Variants in MSRB3 observed in about 807,000 individuals in gnomAD.
MSRB3 encodes methionine sulfoxide reductase B3.
In MSRB3, 13 loss-of-function variants were observed where a neutral mutation model predicts 21.0. The observed-to-expected ratio is 0.62, with a 90% CI of 0.40 to 0.98. MSRB3 has a LOEUF of 0.98. Among genes scored for constraint, MSRB3 ranks in the 50% least tolerant of loss-of-function variants. The probability of loss-of-function intolerance (pLI) is 0.00; values close to 1 mark genes in which losing one functional copy is unlikely to be tolerated. For synonymous variants in MSRB3, 87 were observed against 88.6 expected (o/e 0.98, Z 0.10); for missense variants, 199 against 230.3 (o/e 0.86, Z 0.88).
In MSRB3 at chr12:65,278,841, G is replaced by T. The variant is rs571492323; in HGVS notation, c.-76G>T. 11 of 1,564,396 alleles carry T rather than the reference G, an allele frequency of 7.0e-6. No homozygotes were observed. In the South Asian group the frequency reaches 7.1e-5, roughly 10 times the overall value. On this transcript the variant is annotated 5_prime_UTR_variant, in exon 1 of 7. Transcript: ENST00000308259. ...CCTCTGCCTCTGCCTCTGCCTGGCC[G>T]CGGCTCTGGGAAGTGCGCAGTCCGG...
chr12:65,440,845 C>T (rs1882344419), intron 5 of MSRB3, among the ~76,000 whole-genome samples: 4 of 151,836 alleles, frequency 2.6e-5, no homozygotes, highest in Admixed American at 2.6e-4. Context: ...TTTTCTTCAG[C>T]CCCAGGTTGG....
In MSRB3 at chr12:65,460,475, C is replaced by T. The variant is rs1053265822; in HGVS notation, c.391-2680C>T. ...GCTTCCCTCAGACAAATGGCTTTGC[C>T]GGCAGTGGGGCGGGGATGTATGTGG... On this transcript the variant is annotated intron_variant, in intron 6 of 6. Coordinates refer to ENST00000308259, the MANE Select transcript of MSRB3 (RefSeq NM_001031679.3). 1.2e-4 allele frequency among the ~76,000 whole-genome samples: 18 copies of T among 152,274 alleles called. No homozygotes were observed. In the South Asian group the frequency reaches 2.5e-3, roughly 21 times the overall value.
chr12:65,425,630 A>G (rs1170630651), intron 5 of MSRB3, among the ~76,000 whole-genome samples: 2 of 152,102 alleles, frequency 1.3e-5, no homozygotes, highest in African/African-American at 4.8e-5. Flanking sequence ...ACAAAATCCT[A>G]CACTTTTGCC....
rs114548027 is a variant in MSRB3 at position 65,357,069 on chromosome 12, C to A, written c.264-11929C>A. On this transcript the variant is annotated intron_variant, in intron 4 of 6. Coordinates refer to ENST00000308259, the MANE Select transcript of MSRB3 (RefSeq NM_001031679.3). ...AGGAATAAGGAACAAATTGAAGTGG[C>A]AAATGACTCCAAAGGAACAAAACTT... 8.1e-3 allele frequency among the ~76,000 whole-genome samples: 1,234 copies of A among 151,928 alleles called. 18 individuals are homozygous for A. Among genetic ancestry groups the A allele is most frequent in the African/African-American group, 0.029 (1,193 of 41,486 alleles).
intron 5 of MSRB3, among the ~76,000 whole-genome samples, chr12:65,440,027 C>G (rs1304206130): frequency 4.6e-5 from 7 of 151,790 alleles, no homozygotes; most frequent in African/African-American, 7.2e-5. Context: ...GTAGAGCAGA[C>G]TCGTAGACAA....
At chr12:65,334,132 G>A (rs1875609533) in intron 4 of MSRB3, among the ~76,000 whole-genome samples, 1 of 152,184 alleles carries the variant, frequency 6.6e-6, no homozygotes, top group African/African-American at 2.4e-5. Flanking sequence ...AACCACATAG[G>A]ACATTTTAAT....
At chr12:65,348,738 C>T (rs1876710829) in intron 4 of MSRB3, among the ~76,000 whole-genome samples, 1 of 152,052 alleles carries the variant, frequency 6.6e-6, no homozygotes, top group East Asian at 1.9e-4. Flanking sequence ...CTATAAATTT[C>T]CCCCTACACA....
At chr12:65,324,882 A>G (rs1208868474) in intron 2 of MSRB3, among the ~76,000 whole-genome samples, 2 of 152,188 alleles carry the variant, frequency 1.3e-5, no homozygotes, top group Non-Finnish European at 2.9e-5. Context: ...TGGGAACACA[A>G]TTGGTCTTTT....
Position 65,309,509 on chromosome 12 carries a change from C to G in MSRB3, c.76+854C>G, listed in dbSNP as rs573041232. 4.6e-5 allele frequency among the ~76,000 whole-genome samples: 7 copies of G among 152,042 alleles called. No homozygotes were observed. The East Asian group carries it at 1.4e-3, about 29-fold the overall frequency. ...ATAAGGTAAAGCTGATTTTTTTCAA[C>G]AAGTACAAGGTGGAAATGGAACTGT... On this transcript the variant is annotated intron_variant, in intron 2 of 6. Transcript: ENST00000308259.
chr12:65,279,442 C>T (rs1348226420), intron 1 of MSRB3: 2 of 151,984 alleles, frequency 1.3e-5, no homozygotes, highest in South Asian at 4.2e-4. Context: ...GCTGCTGCCC[C>T]GCTGCTGGGC....
At chr12:65,350,523 G>A (rs1876892272) in intron 4 of MSRB3, among the ~76,000 whole-genome samples, 1 of 151,220 alleles carries the variant, frequency 6.6e-6, no homozygotes, top group African/African-American at 2.5e-5. Flanking sequence ...TGGCAAATTG[G>A]ATAAAGAGTC....
At chr12:65,371,243 A>T (rs1314342834) in intron 5 of MSRB3, among the ~76,000 whole-genome samples, 1 of 145,488 alleles carries the variant, frequency 6.9e-6, no homozygotes, top group African/African-American at 2.5e-5. Context: ...CAGGAGAATC[A>T]CTTGAATCCA....
At chr12:65,329,225 A>G (rs1199875488) in intron 4 of MSRB3, among the ~76,000 whole-genome samples, 8 of 152,196 alleles carry the variant, frequency 5.3e-5, no homozygotes, top group Admixed American at 5.2e-4. Flanking sequence ...TCTGGAGATT[A>G]TGGATGTTAT....
chr12:65,344,371 G>A (rs1401807785), intron 4 of MSRB3: 1 of 151,908 alleles, frequency 6.6e-6, no homozygotes, highest in African/African-American at 2.4e-5. Flanking sequence ...CTGCAGGGGT[G>A]GGTGGGGAAA....
At chr12:65,407,368 A>T (rs1880471903) in intron 5 of MSRB3, among the ~76,000 whole-genome samples, 1 of 149,522 alleles carries the variant, frequency 6.7e-6, no homozygotes. Flanking sequence ...CACTTTAAAT[A>T]TTTCACTCTG....
intron 5 of MSRB3, among the ~76,000 whole-genome samples, chr12:65,436,749 T>A (rs1882134996): frequency 6.6e-6 from 1 of 151,940 alleles, no homozygotes; most frequent in Non-Finnish European, 1.5e-5. Context: ...ACTATTTTAT[T>A]TCTGTTCATC....
intron 5 of MSRB3, among the ~76,000 whole-genome samples, chr12:65,394,607 C>G (rs1448290655): frequency 6.6e-6 from 1 of 152,138 alleles, no homozygotes; most frequent in Non-Finnish European, 1.5e-5. Context: ...GTCACTATGA[C>G]CCTGATGGCA....
At chr12:65,381,386 A>G (rs1395258395) in intron 5 of MSRB3, among the ~76,000 whole-genome samples, 1 of 152,154 alleles carries the variant, frequency 6.6e-6, no homozygotes, top group Non-Finnish European at 1.5e-5. Flanking sequence ...TATAATTGAG[A>G]TATCTTGCTC....
At chr12:65,401,875 A>C (rs1189535136) in intron 5 of MSRB3, among the ~76,000 whole-genome samples, 1 of 152,218 alleles carries the variant, frequency 6.6e-6, no homozygotes, top group Non-Finnish European at 1.5e-5. Flanking sequence ...TATGAAGCTT[A>C]GTTTGGCTGG....
Sources: gnomAD v4.1 joint callset for allele counts (sites outside exome capture counted in the v4.1 genomes callset) on GRCh38, gnomAD v4.1.1 for gene constraint, MANE v1.5 for transcripts, NCBI Gene and HGNC (gene_info 2026-07-23, HGNC 2026-07-21) for gene names.